Variants in OXSR1 observed in about 807,000 individuals in gnomAD.
The protein encoded by OXSR1 is serine/threonine-protein kinase OSR1.
In OXSR1, 24 loss-of-function variants were observed where a neutral mutation model predicts 79.8. The ratio of observed to expected loss-of-function variants is 0.30; its 90% CI spans 0.22 to 0.42. OXSR1 has a LOEUF of 0.42. OXSR1 is among the 10% of genes least tolerant of loss of function. The pLI is 1.00. For synonymous variants in OXSR1, 226 were observed against 209.2 expected (o/e 1.08, Z -0.69); for missense variants, 430 against 618.4 (o/e 0.70, Z 3.23).
At chr3:38,191,104 G>A (rs1453021862) in intron 3 of OXSR1, among the ~76,000 whole-genome samples, 2 of 152,130 alleles carry the variant, frequency 1.3e-5, no homozygotes, top group East Asian at 3.9e-4. Flanking sequence ...GAGTGCAGTG[G>A]TGCAATCATA....
At chr3:38,213,869 A>G (rs969066433) in intron 4 of OXSR1, among the ~76,000 whole-genome samples, 1 of 152,236 alleles carries the variant, frequency 6.6e-6, no homozygotes, top group Non-Finnish European at 1.5e-5. Flanking sequence ...TTTCTTTTAA[A>G]GAAAATACAA....
chr3:38,181,694 C>T (rs183067390), intron 1 of OXSR1, among the ~76,000 whole-genome samples: 9 of 152,166 alleles, frequency 5.9e-5, no homozygotes, highest in South Asian at 4.2e-4. Flanking sequence ...ACTTTTATGA[C>T]GGCTGCTTTA....
At chr3:38,245,925 T>G in intron 12 of OXSR1, 150 bp from the exon 13 acceptor site, 2 of 623,140 alleles carry the variant, frequency 3.2e-6, no homozygotes, top group Non-Finnish European at 5.7e-6. Flanking sequence ...GACTTCCGTT[T>G]GGAATAGATA....
chr3:38,179,199 T>C (rs375289486), intron 1 of OXSR1, among the ~76,000 whole-genome samples: 1 of 152,086 alleles, frequency 6.6e-6, no homozygotes, highest in East Asian at 1.9e-4. Flanking sequence ...CCTGGGTAAA[T>C]TTTGTATTTT....
At chr3:38,241,209 G>A (rs1197039089) in intron 11 of OXSR1, among the ~76,000 whole-genome samples, 3 of 152,212 alleles carry the variant, frequency 2.0e-5, no homozygotes, top group East Asian at 1.9e-4. Flanking sequence ...AGAAGGACAC[G>A]TCAGTATGTA....
intron 10 of OXSR1, among the ~76,000 whole-genome samples, chr3:38,233,484 G>T (rs1243656079): frequency 6.6e-6 from 1 of 152,068 alleles, no homozygotes; most frequent in African/African-American, 2.4e-5. Context: ...ATAGATCTAG[G>T]ATCACAGGAT....
Position 38,224,617 on chromosome 3 carries a change from G to A in OXSR1, c.749G>A (p.Gly250Asp), listed in dbSNP as rs1306972803. Residue 250 changes from glycine (G) to aspartate (D), a missense_variant, in exon 8 of 18, where the codon GGT (glycine) becomes GAT (aspartate). Coordinates refer to ENST00000311806, the MANE Select transcript of OXSR1 (RefSeq NM_005109.3). ...LQNDPPSLET[G>D]VQDKEMLKKY... ...AACGATCCTCCTTCTTTGGAAACTGGTGTTCAAGATAAAGAAATGCTGAAA... is the reference window on the plus strand; with the variant it reads ...AACGATCCTCCTTCTTTGGAAACTGATGTTCAAGATAAAGAAATGCTGAAA... The A allele has an allele frequency of 3.1e-6, 5 of 1,594,784 alleles. No homozygotes were observed. The highest frequency in any genetic ancestry group is 4.3e-6 in the Non-Finnish European group (5 of 1,172,130).
Position 38,247,728 on chromosome 3 carries a change from T to A in OXSR1, c.1318T>A (p.Leu440Ile). 1 of 1,600,806 alleles carries A rather than the reference T, an allele frequency of 6.2e-7. No individual in the cohort carries two copies. Among genetic ancestry groups the A allele is most frequent in the Non-Finnish European group, 8.6e-7 (1 of 1,168,238 alleles). The change falls in exon 14 of 18, where the codon TTA becomes ATA. Residue 440 changes from leucine to isoleucine, a missense_variant. By Grantham distance (5) the Leu-to-Ile change is conservative. Around this residue, in one of 3 missense-constraint regions of OXSR1, gnomAD observed 276 missense variants for 354.2 expected, o/e 0.78. Coordinates refer to ENST00000311806, the MANE Select transcript of OXSR1 (RefSeq NM_005109.3). ...GATCCCAATCAGTCTAGTACTAAGA[T>A]TAAGGTAAGTAGACATTTTTTGTTT... Reference protein sequence around the residue: ...TKIPISLVLRLRNSKKELNDI... With the variant: ...TKIPISLVLRIRNSKKELNDI...
chr3:38,203,071 G>A (rs533704722), intron 4 of OXSR1, among the ~76,000 whole-genome samples: 1 of 152,336 alleles, frequency 6.6e-6, no homozygotes, highest in East Asian at 1.9e-4. Flanking sequence ...GTCCACTTCC[G>A]TGTTCCTCCC....
rs755636046 is a variant in OXSR1, at chr3:38,236,866, C to T, written c.979C>T (p.Arg327Cys). The change falls in exon 11 of 18, where the codon CGT (arginine) becomes TGT (cysteine). Residue 327 changes from arginine (R) to cysteine (C), a missense_variant. Coordinates refer to ENST00000311806, the MANE Select transcript of OXSR1 (RefSeq NM_005109.3). ...KVRRVPGSSGRLHKTEDGGWE... is the reference protein window; with the variant it reads ...KVRRVPGSSGCLHKTEDGGWE... Reference sequence around the variant, plus strand: ...TCGGAGAGTACCAGGTTCCAGTGGGCGTCTTCATAAGACAGAGGATGGAGG... The same window carrying T: ...TCGGAGAGTACCAGGTTCCAGTGGGTGTCTTCATAAGACAGAGGATGGAGG... 2 of 1,611,230 alleles carry T rather than the reference C, an allele frequency of 1.2e-6. No individual in the cohort carries two copies. The highest frequency in any genetic ancestry group is 1.1e-5 in the South Asian group (1 of 90,806).
At chr3:38,174,981 A>G (rs540826851) in intron 1 of OXSR1, among the ~76,000 whole-genome samples, 2 of 152,292 alleles carry the variant, frequency 1.3e-5, no homozygotes, top group East Asian at 3.9e-4. Context: ...GATGATGACT[A>G]TTCTTACAGA....
In OXSR1 at chr3:38,252,952, T is replaced by C; in HGVS notation, c.*61T>C. 1 of 1,397,666 alleles carries C rather than the reference T, an allele frequency of 7.2e-7. No individual in the cohort carries two copies. The highest frequency in any genetic ancestry group is 1.0e-6 in the Non-Finnish European group (1 of 983,678). The allele number at this position is 1,397,666 out of a possible 1,614,324, so 86.6% of individuals were successfully genotyped here. A position where few individuals can be genotyped will look rare whatever the true frequency, so the allele number is the denominator to read the frequency against. ...CACACATGCGTATCTCTGTTGCTTC[T>C]ATTGGCCTAAACCCACTACTGCCAA... On this transcript the variant is annotated 3_prime_UTR_variant, in exon 18 of 18. Transcript: ENST00000311806.
At chr3:38,246,801 A>T (rs1392929993) in intron 13 of OXSR1, among the ~76,000 whole-genome samples, 1 of 152,076 alleles carries the variant, frequency 6.6e-6, no homozygotes, top group Non-Finnish European at 1.5e-5. Context: ...ATGCTGTGTA[A>T]CTCCTTCTCT....
In OXSR1 at chr3:38,247,744, T is replaced by G; in HGVS notation, c.1322+12T>G. On this transcript the variant is annotated intron_variant, in intron 14 of 17. Transcript: ENST00000311806. ...GTACTAAGATTAAGGTAAGTAGACA[T>G]TTTTTGTTTTGTTTTCTTTTGTTTT... The G allele has an allele frequency of 6.3e-7, 1 of 1,580,136 alleles. No individual in the cohort carries two copies. The highest frequency in any genetic ancestry group is 8.7e-7 in the Non-Finnish European group (1 of 1,150,152).
At chr3:38,190,519 T>C (rs1403277985) in intron 2 of OXSR1, among the ~76,000 whole-genome samples, 1 of 152,132 alleles carries the variant, frequency 6.6e-6, no homozygotes, top group Non-Finnish European at 1.5e-5. Flanking sequence ...TTTGAAAGAT[T>C]ACTAGTGTAA....
At chr3:38,221,857 C>A (rs1702597255) in intron 6 of OXSR1, among the ~76,000 whole-genome samples, 170 bp downstream of exon 6, 1 of 152,128 alleles carries the variant, frequency 6.6e-6, no homozygotes, top group African/African-American at 2.4e-5. Context: ...CAAAAACTCT[C>A]TAGAACTTTG....
intron 1 of OXSR1, among the ~76,000 whole-genome samples, chr3:38,179,747 A>G (rs549145720): frequency 1.3e-4 from 19 of 151,760 alleles, no homozygotes; most frequent in Non-Finnish European, 2.4e-4. Context: ...AGCCCTCCAT[A>G]TATGTGAGTT....
At position 38,253,047 on chromosome 3, in the gene OXSR1, C is replaced by G. The variant is rs1166051851; in HGVS notation, c.*156C>G. 4.9e-6 allele frequency: 3 copies of G among 617,380 alleles called. No individual in the cohort carries two copies. The highest frequency in any genetic ancestry group is 8.6e-6 in the Non-Finnish European group (3 of 349,906). The allele number at this position is 617,380 out of a possible 1,614,324, so 38.2% of individuals were successfully genotyped here. ...TATGTTCTTCCTGCCATCATTCCTC[C>G]TTTTCCCACAGGGAAAGAAAAGTTG... On this transcript the variant is annotated 3_prime_UTR_variant, in exon 18 of 18. Coordinates refer to ENST00000311806, the MANE Select transcript of OXSR1 (RefSeq NM_005109.3).
At chr3:38,187,923 G>T (rs531681486) in intron 2 of OXSR1, among the ~76,000 whole-genome samples, 10 of 152,164 alleles carry the variant, frequency 6.6e-5, no homozygotes, top group African/African-American at 2.4e-4. Flanking sequence ...TGAGGAAGCT[G>T]CTGGGTAATT....
Sources: gnomAD v4.1 joint callset for allele counts (sites outside exome capture counted in the v4.1 genomes callset) on GRCh38, gnomAD v4.1.1 for gene constraint, gnomAD v4.1.1 regional missense constraint, MANE v1.5 for transcripts, NCBI Gene and HGNC (gene_info 2026-07-23, HGNC 2026-07-21) for gene names.